The following L3MBTL4 variants were observed in gnomAD, a reference collection of about 807,000 sequenced individuals.
L3MBTL4 encodes L3MBTL histone methyl-lysine binding protein 4.
L3MBTL4 carries 70 observed loss-of-function variants against 84.5 expected under a neutral mutation model. That is an observed-to-expected ratio of 0.83 (90% CI 0.68 to 1.01). The LOEUF (loss-of-function observed/expected upper bound fraction) is 1.01. Among genes scored for constraint, L3MBTL4 ranks in the 50% least tolerant of loss-of-function variants. The probability of loss-of-function intolerance (pLI) is 0.00; values close to 1 mark genes in which losing one functional copy is unlikely to be tolerated. For synonymous variants in L3MBTL4, 274 were observed against 259.8 expected, an observed-to-expected ratio of 1.05 and a Z score of -0.52; for missense variants, 715 against 754.8, an observed-to-expected ratio of 0.95 and a Z score of 0.62.
chr18:6,276,539 T>C (rs957600239), intron 4 of L3MBTL4, among the ~76,000 whole-genome samples: 3 of 151,238 alleles, frequency 2.0e-5, no homozygotes, highest in African/African-American at 7.3e-5. Context: ...GTGGACAGAG[T>C]AATCAGCATT....
chr18:6,103,788 T>C (rs2046402140), intron 14 of L3MBTL4, among the ~76,000 whole-genome samples: 1 of 152,240 alleles, frequency 6.6e-6, no homozygotes, highest in African/African-American at 2.4e-5. Flanking sequence ...CTGAAATGTT[T>C]TGAAAGTTCT....
Position 6,235,662 on chromosome 18 carries a change from G to A in L3MBTL4, c.784+2302C>T, listed in dbSNP as rs544461725. On this transcript the variant is annotated intron_variant, in intron 10 of 18. Coordinates refer to ENST00000317931, the MANE Select transcript of L3MBTL4 (RefSeq NM_001330559.2). Reference sequence around the variant, plus strand: ...TAGAGGTGGAAAGCTGATTAAAGGTGCCAGGGAAATAGGGGTATGGACGGG... The same window carrying A: ...TAGAGGTGGAAAGCTGATTAAAGGTACCAGGGAAATAGGGGTATGGACGGG... Among the ~76,000 whole-genome samples the A allele has an allele frequency of 7.2e-5, 11 of 152,306 alleles. No homozygotes were observed. In the East Asian group the frequency reaches 7.7e-4, roughly 11 times the overall value.
chr18:6,244,354 C>G (rs917575883), intron 6 of L3MBTL4, 130 bp downstream of exon 6: 38 of 544,672 alleles, frequency 7.0e-5, no homozygotes, highest in Non-Finnish European at 9.5e-5. Flanking sequence ...TTTCACCCAT[C>G]GCTGACTAAA....
At chr18:6,076,163 C>T (rs2143068438) in intron 16 of L3MBTL4, among the ~76,000 whole-genome samples, 1 of 152,314 alleles carries the variant, frequency 6.6e-6, no homozygotes, top group South Asian at 2.1e-4. Context: ...AAAATGCATA[C>T]ACATATCTAC....
intron 4 of L3MBTL4, among the ~76,000 whole-genome samples, chr18:6,289,758 G>A (rs188684051): frequency 6.6e-6 from 1 of 152,140 alleles, no homozygotes; most frequent in African/African-American, 2.4e-5. Flanking sequence ...GCCTGACAGT[G>A]AAATGTTTAT....
At chr18:6,320,977 G>C (rs550785921) in intron 1 of L3MBTL4, among the ~76,000 whole-genome samples, 470 of 152,138 alleles carry the variant, frequency 3.1e-3, no homozygotes, top group Non-Finnish European at 4.8e-3. Flanking sequence ...AACATAACTG[G>C]GGAAGGGCCA....
Position 6,307,276 on chromosome 18 carries a change from C to CAA in L3MBTL4, c.72+4276_72+4277dup, listed in dbSNP as rs35431212. On this transcript the variant is annotated intron_variant, in intron 3 of 18. Coordinates refer to ENST00000317931, the MANE Select transcript of L3MBTL4 (RefSeq NM_001330559.2). ...TGAAACCCCATTTCTATTAAAAATACAAAAAAAAAAATGAGCTGAACGTGG... is the reference window on the plus strand; with the variant it reads ...TGAAACCCCATTTCTATTAAAAATACAAAAAAAAAAAAATGAGCTGAACGTGG... Among the ~76,000 whole-genome samples the CAA allele has an allele frequency of 7.5e-3, 1,089 of 144,578 alleles. 14 individuals carry two copies. The highest frequency in any genetic ancestry group is 0.021 in the Middle Eastern group (6 of 282). 94.8% of individuals were successfully genotyped at this position (144,578 alleles called of 152,430 possible). A position where few individuals can be genotyped will look rare whatever the true frequency, so the allele number is the denominator to read the frequency against.
intron 4 of L3MBTL4, among the ~76,000 whole-genome samples, chr18:6,266,110 A>G (rs1384053109): frequency 1.3e-5 from 2 of 152,228 alleles, no homozygotes; most frequent in African/African-American, 4.8e-5. Context: ...AAAAAAACAT[A>G]CATACATATA....
chr18:6,201,383 T>C (rs186702412), intron 12 of L3MBTL4, among the ~76,000 whole-genome samples: 1 of 152,218 alleles, frequency 6.6e-6, no homozygotes, highest in East Asian at 1.9e-4. Flanking sequence ...GGGAAGATCA[T>C]GAGAAGAGAA....
At chr18:6,254,837 C>T (rs2048072018) in intron 5 of L3MBTL4, among the ~76,000 whole-genome samples, 1 of 152,118 alleles carries the variant, frequency 6.6e-6, no homozygotes, top group Non-Finnish European at 1.5e-5. Context: ...AATGTGCATC[C>T]TAACCACTGA....
chr18:5,993,446 T>C (rs1305757818), intron 16 of L3MBTL4, among the ~76,000 whole-genome samples: 1 of 152,232 alleles, frequency 6.6e-6, no homozygotes, highest in Non-Finnish European at 1.5e-5. Flanking sequence ...TGACAGAGCA[T>C]ATGCCCACTA....
chr18:6,056,587 T>A (rs1241127553), intron 16 of L3MBTL4, among the ~76,000 whole-genome samples: 1 of 152,152 alleles, frequency 6.6e-6, no homozygotes, highest in Non-Finnish European at 1.5e-5. Flanking sequence ...AGGCTCTCTA[T>A]GCGACAGGCA....
chr18:6,159,858 C>A (rs1239843320), intron 13 of L3MBTL4, among the ~76,000 whole-genome samples: 1 of 152,214 alleles, frequency 6.6e-6, no homozygotes, highest in East Asian at 1.9e-4. Flanking sequence ...CTATATCTAT[C>A]TTATTAGAAG....
intron 16 of L3MBTL4, among the ~76,000 whole-genome samples, chr18:6,063,934 G>C (rs1276284974): frequency 6.6e-6 from 1 of 151,970 alleles, no homozygotes; most frequent in South Asian, 2.1e-4. Context: ...CTTTGCCTAA[G>C]CTAATGTCCA....
At chr18:6,045,265 A>G (rs188577975) in intron 16 of L3MBTL4, among the ~76,000 whole-genome samples, 102 of 152,340 alleles carry the variant, frequency 6.7e-4, no homozygotes, top group African/African-American at 2.3e-3. Context: ...TCAACCAAGA[A>G]TTTCGTATCT....
intron 12 of L3MBTL4, among the ~76,000 whole-genome samples, chr18:6,196,315 G>T (rs377208741): frequency 2.6e-5 from 4 of 151,844 alleles, no homozygotes; most frequent in African/African-American, 7.3e-5. Context: ...CCGCCACCAC[G>T]CCCGTCTAAT....
chr18:6,327,178 T>G (rs1599652532), intron 1 of L3MBTL4, among the ~76,000 whole-genome samples: 1 of 151,632 alleles, frequency 6.6e-6, no homozygotes, highest in African/African-American at 2.4e-5. Flanking sequence ...GCTGAGGAGG[T>G]GAAAATTGGT....
At chr18:6,199,350 A>T (rs1394237512) in intron 12 of L3MBTL4, among the ~76,000 whole-genome samples, 1 of 152,188 alleles carries the variant, frequency 6.6e-6, no homozygotes, top group East Asian at 1.9e-4. Context: ...CATTAAACTC[A>T]ACTGAAATGA....
intron 4 of L3MBTL4, among the ~76,000 whole-genome samples, chr18:6,273,543 G>A: frequency 6.6e-6 from 1 of 152,140 alleles, no homozygotes; most frequent in Middle Eastern, 3.2e-3. Flanking sequence ...TTCTACAGAG[G>A]AGGCGACCAG....
Sources: gnomAD v4.1 joint callset for allele counts (sites outside exome capture counted in the v4.1 genomes callset) on GRCh38, gnomAD v4.1.1 for gene constraint, MANE v1.5 for transcripts, NCBI Gene and HGNC (gene_info 2026-07-23, HGNC 2026-07-21) for gene names.